PHF24: variants seen among roughly 807,000 people sequenced by gnomAD.
The protein encoded by PHF24 is Galpha inhibitory interacting protein.
Under a neutral mutation model 42.6 loss-of-function variants are expected in PHF24, and 25 were observed. The ratio of observed to expected loss-of-function variants is 0.59; its 90% CI spans 0.43 to 0.82. The LOEUF is 0.82. Among genes scored for constraint, PHF24 ranks in the 40% least tolerant of loss-of-function variants. The pLI is 0.00. For missense variants in PHF24, 470 were observed against 538.1 expected (o/e 0.87, Z 1.25); for synonymous variants, 185 against 204.8 (o/e 0.90, Z 0.83).
chr9:34,860,650 T>C, the PHF24 span, among the ~76,000 whole-genome samples: 6 of 152,016 alleles, frequency 3.9e-5, no homozygotes, highest in African/African-American at 1.2e-4. Context: ...TTAATGGGTC[T>C]GTAGTTATTG....
the PHF24 span, among the ~76,000 whole-genome samples, chr9:34,792,366 C>A: frequency 1.3e-5 from 2 of 152,136 alleles, no homozygotes; most frequent in Non-Finnish European, 1.5e-5. Flanking sequence ...AAGGACCCTG[C>A]AAAATCTGTA....
chr9:34,683,460 C>T, the PHF24 span, among the ~76,000 whole-genome samples: 1 of 152,210 alleles, frequency 6.6e-6, no homozygotes, highest in Non-Finnish European at 1.5e-5. Context: ...AGGGGAGAGC[C>T]CATCACCAGC....
At chr9:34,741,219 A>AACAC in the PHF24 span, among the ~76,000 whole-genome samples, 667 of 150,028 alleles carry the variant, frequency 4.4e-3, 3 homozygotes, top group African/African-American at 0.015. Flanking sequence ...AAAGTTTAGA[A>AACAC]ACACACACAC....
At chr9:34,688,636 C>T in the PHF24 span, among the ~76,000 whole-genome samples, 5 of 152,154 alleles carry the variant, frequency 3.3e-5, no homozygotes, top group African/African-American at 7.2e-5. Flanking sequence ...GTCTGTCTGT[C>T]GGTGTCCCTG....
At chr9:34,700,487 T>A in the PHF24 span, among the ~76,000 whole-genome samples, 6 of 152,130 alleles carry the variant, frequency 3.9e-5, no homozygotes, top group Non-Finnish European at 8.8e-5. Context: ...GCAAAATTTT[T>A]GACTTGAGAA....
At chr9:34,669,192 T>C in the PHF24 span, among the ~76,000 whole-genome samples, 506 of 152,304 alleles carry the variant, frequency 3.3e-3, 5 homozygotes, top group Middle Eastern at 0.014. Context: ...CAGAACCTCC[T>C]GAGGCTGTAT....
the PHF24 span, chr9:34,723,205 G>A: frequency 3.2e-6 from 5 of 1,544,130 alleles, no homozygotes; most frequent in South Asian, 2.4e-5. Context: ...GCGGACCAAT[G>A]TTTCTATCTG....
chr9:34,691,051 C>T, the PHF24 span: 1 of 1,549,824 alleles, frequency 6.5e-7, no homozygotes, highest in Non-Finnish European at 8.8e-7. Flanking sequence ...CACTGCCAGC[C>T]CCCCACTGCC....
chr9:34,772,312 A>G, the PHF24 span, among the ~76,000 whole-genome samples: 8 of 152,194 alleles, frequency 5.3e-5, no homozygotes, highest in Admixed American at 4.6e-4. Flanking sequence ...TAATAATTTC[A>G]CTTTTTGAAA....
At chr9:34,769,071 T>C in the PHF24 span, among the ~76,000 whole-genome samples, 1 of 152,178 alleles carries the variant, frequency 6.6e-6, no homozygotes, top group Non-Finnish European at 1.5e-5. Context: ...AAACAAAATA[T>C]GTAAAACCTT....
the PHF24 span, among the ~76,000 whole-genome samples, chr9:34,896,926 C>T: frequency 6.6e-6 from 1 of 152,146 alleles, no homozygotes; most frequent in African/African-American, 2.4e-5. Context: ...GAAGCTGAGG[C>T]AGGCGGATCA....
chr9:34,690,144 A>G, the PHF24 span: 2 of 1,599,044 alleles, frequency 1.3e-6, no homozygotes, highest in Non-Finnish European at 1.7e-6. Flanking sequence ...AAGGGGAATA[A>G]GAAGGTGGGA....
At chr9:34,954,188 T>A (rs1013017064), upstream of PHF24, among the ~76,000 whole-genome samples, 1 of 151,958 alleles carries the variant, frequency 6.6e-6, no homozygotes, top group African/African-American at 2.4e-5. Flanking sequence ...GATGGAAGGA[T>A]CAGAAGAACC....
At chr9:34,693,375 C>G in the PHF24 span, among the ~76,000 whole-genome samples, 201 of 152,322 alleles carry the variant, frequency 1.3e-3, 4 homozygotes, top group African/African-American at 4.6e-3. Context: ...ATTAATTCCC[C>G]AAATCCTTCA....
chr9:34,852,103 A>G, the PHF24 span, among the ~76,000 whole-genome samples: 1 of 152,316 alleles, frequency 6.6e-6, no homozygotes, highest in South Asian at 2.1e-4. Context: ...CATGAAGACA[A>G]TGAAGATGAA....
chr9:34,857,555 G>T, the PHF24 span, among the ~76,000 whole-genome samples: 82 of 152,302 alleles, frequency 5.4e-4, 2 homozygotes, highest in African/African-American at 1.9e-3. Flanking sequence ...TGTGGGTTCT[G>T]CTGGATCCAT....
the PHF24 span, among the ~76,000 whole-genome samples, chr9:34,896,031 T>C: frequency 2.0e-5 from 3 of 152,160 alleles, no homozygotes; most frequent in Admixed American, 6.6e-5. Flanking sequence ...CTCTCTACTC[T>C]CTATACTGTT....
chr9:34,719,420 G>A, the PHF24 span, among the ~76,000 whole-genome samples: 1 of 152,192 alleles, frequency 6.6e-6, no homozygotes. Flanking sequence ...GATAGAAGGT[G>A]GGGTTGTGCT....
chr9:34,794,149 C>G, the PHF24 span, among the ~76,000 whole-genome samples: 1 of 152,124 alleles, frequency 6.6e-6, no homozygotes, highest in African/African-American at 2.4e-5. Context: ...ACAGCACTTG[C>G]AATCTCTGAA....
Sources: allele counts gnomAD v4.1 joint callset (sites outside exome capture counted in the v4.1 genomes callset), GRCh38; gene constraint gnomAD v4.1.1; transcripts MANE v1.5; gene names NCBI Gene and HGNC (gene_info 2026-07-23, HGNC 2026-07-21).